Variants in ACADSB observed in about 807,000 individuals in gnomAD.
ACADSB encodes acyl-CoA dehydrogenase short/branched chain, also known as short/branched chain specific acyl-CoA dehydrogenase, mitochondrial.
Under a neutral mutation model 54.1 loss-of-function variants are expected in ACADSB, and 40 were observed. The ratio of observed to expected loss-of-function variants is 0.74; its 90% CI spans 0.57 to 0.96. The LOEUF (loss-of-function observed/expected upper bound fraction) is 0.96. Ranked by LOEUF, ACADSB falls within the 40% of genes least tolerant of loss-of-function variation. ACADSB has a pLI of 0.00. For missense variants in ACADSB, 530 were observed against 510.4 expected, an observed-to-expected ratio of 1.04 and a Z score of -0.37; for synonymous variants, 182 against 182.8, an observed-to-expected ratio of 1.00 and a Z score of 0.03.
intron 1 of ACADSB, among the ~76,000 whole-genome samples, chr10:123,012,612 C>G (rs1051149831): frequency 2.0e-5 from 3 of 152,092 alleles, no homozygotes; most frequent in African/African-American, 7.2e-5. Flanking sequence ...AGGAGTGAAG[C>G]TGCAGACCTT....
intron 1 of ACADSB, 42 bp from the exon 2 acceptor site, chr10:123,034,314 A>T (rs1383070053): frequency 1.3e-6 from 2 of 1,594,268 alleles, no homozygotes; most frequent in Admixed American, 3.3e-5. Context: ...AAAGAAAATG[A>T]TATTCAAGTA....
At chr10:123,015,612 T>C (rs1256784666) in intron 1 of ACADSB, among the ~76,000 whole-genome samples, 3 of 152,234 alleles carry the variant, frequency 2.0e-5, no homozygotes, top group African/African-American at 7.2e-5. Context: ...GTGTACTCCA[T>C]GAAGGAGGGG....
Position 123,056,269 on chromosome 10 carries a change from G to C in ACADSB, c.*2504G>C. On this transcript the variant is annotated 3_prime_UTR_variant, in exon 11 of 11. Transcript: ENST00000358776. ...TTAATTGGACTTACAGTTCCACATG[G>C]CCGGGGAGGCCTCAGAATCATGGCG... The C allele has an allele frequency of 4.6e-6, 1 of 219,540 alleles. No homozygotes were observed. The highest frequency in any genetic ancestry group is 8.9e-6 in the Non-Finnish European group (1 of 112,914). The allele number at this position is 219,540 out of a possible 1,614,324, so 13.6% of individuals were successfully genotyped here.
intron 1 of ACADSB, among the ~76,000 whole-genome samples, chr10:123,012,791 G>T (rs1850054852): frequency 6.6e-6 from 1 of 152,188 alleles, no homozygotes; most frequent in Admixed American, 6.5e-5. Flanking sequence ...AAGATTTATT[G>T]CAAAGAGCTA....
chr10:123,013,639 G>C (rs1042291067), intron 1 of ACADSB, among the ~76,000 whole-genome samples: 3 of 152,230 alleles, frequency 2.0e-5, no homozygotes, highest in Admixed American at 2.0e-4. Flanking sequence ...GCAGGTCCCG[G>C]GGCCTGCCCC....
rs991735857 is a variant in ACADSB, at chr10:123,056,905, T to C, written c.*3140T>C. 1 of 152,644 alleles carries C rather than the reference T, an allele frequency of 6.6e-6. No individual in the cohort carries two copies. Among genetic ancestry groups the C allele is most frequent in the East Asian group, 1.9e-4 (1 of 5,204 alleles). 9.5% of individuals were successfully genotyped at this position (152,644 alleles called of 1,614,324 possible). A position where few individuals can be genotyped will look rare whatever the true frequency, so the allele number is the denominator to read the frequency against. On this transcript the variant is annotated 3_prime_UTR_variant, in exon 11 of 11. Transcript: ENST00000358776. ...TGACATAGGAATTACATTAAAATAT[T>C]AGGAAGAAACAAGGACAAATTTAGA...
chr10:123,032,994 C>G (rs1850349032), intron 1 of ACADSB, among the ~76,000 whole-genome samples: 1 of 152,118 alleles, frequency 6.6e-6, no homozygotes, highest in African/African-American at 2.4e-5. Context: ...TTCTTGAGCC[C>G]CTTTGCACTT....
chr10:123,038,983 G>C (rs1850436525), intron 3 of ACADSB, among the ~76,000 whole-genome samples: 1 of 152,026 alleles, frequency 6.6e-6, no homozygotes, highest in African/African-American at 2.4e-5. Context: ...CTGCAGCGGG[G>C]CTGTCTGCAG....
At chr10:123,016,695 A>G (rs979477311) in intron 1 of ACADSB, among the ~76,000 whole-genome samples, 1 of 152,238 alleles carries the variant, frequency 6.6e-6, no homozygotes, top group Non-Finnish European at 1.5e-5. Context: ...TTTGGGGTAC[A>G]GTTCAGACCA....
chr10:123,019,964 G>GT (rs1477840385), intron 1 of ACADSB, among the ~76,000 whole-genome samples: 2 of 150,956 alleles, frequency 1.3e-5, no homozygotes, highest in Non-Finnish European at 3.0e-5. Flanking sequence ...TCTTTTTTTT[G>GT]TTTTTTTGCT....
chr10:123,027,355 A>C (rs1850268428), intron 1 of ACADSB, among the ~76,000 whole-genome samples: 1 of 152,176 alleles, frequency 6.6e-6, no homozygotes, highest in Admixed American at 6.5e-5. Context: ...CCCAAATCTC[A>C]ACTTGAATTG....
Position 123,037,743 on chromosome 10 carries a change from A to G in ACADSB, c.203-4A>G. The G allele has an allele frequency of 1.3e-6, 2 of 1,590,666 alleles. No homozygotes were observed. Among genetic ancestry groups the G allele is most frequent in the Non-Finnish European group, 1.7e-6 (2 of 1,158,942 alleles). ...AGACTTATCAGTAATTCTTTTTCCTACAGTTAAAAAATTTGCTCAGGAACA... is the reference window on the plus strand; with the variant it reads ...AGACTTATCAGTAATTCTTTTTCCTGCAGTTAAAAAATTTGCTCAGGAACA... On this transcript the variant is annotated splice_region_variant and splice_polypyrimidine_tract_variant and intron_variant, in intron 2 of 10. Transcript: ENST00000358776.
At chr10:123,025,538 C>G (rs566374181) in intron 1 of ACADSB, among the ~76,000 whole-genome samples, 27 of 152,142 alleles carry the variant, frequency 1.8e-4, no homozygotes, top group Admixed American at 1.8e-3. Context: ...TAAGCGAAGT[C>G]AAAAGACAAA....
chr10:123,050,212 G>A (rs1396705829), intron 8 of ACADSB, among the ~76,000 whole-genome samples: 1 of 152,144 alleles, frequency 6.6e-6, no homozygotes. Flanking sequence ...ACTTAATCAA[G>A]GTTCACTGTC....
At chr10:123,035,747 C>T (rs904140712) in intron 2 of ACADSB, among the ~76,000 whole-genome samples, 1 of 152,226 alleles carries the variant, frequency 6.6e-6, no homozygotes, top group African/African-American at 2.4e-5. Flanking sequence ...AGCTGGCTGT[C>T]AGCCAGAGGT....
intron 8 of ACADSB, among the ~76,000 whole-genome samples, chr10:123,050,462 T>C (rs1850614687): frequency 6.6e-6 from 1 of 152,206 alleles, no homozygotes; most frequent in African/African-American, 2.4e-5. Flanking sequence ...TGCAGGAAAT[T>C]GTTTATAAAT....
chr10:123,014,039 C>T (rs1355912916), intron 1 of ACADSB, among the ~76,000 whole-genome samples: 1 of 152,216 alleles, frequency 6.6e-6, no homozygotes, highest in East Asian at 1.9e-4. Flanking sequence ...CAAGCGAGGG[C>T]TGCCAGCATG....
intron 2 of ACADSB, among the ~76,000 whole-genome samples, chr10:123,035,248 G>A (rs1850383698): frequency 6.6e-6 from 1 of 152,062 alleles, no homozygotes; most frequent in Admixed American, 6.5e-5. Context: ...GAGCCACCAT[G>A]CCCAGCCTAG....
chr10:123,045,131 GTATATATATATATATATA>G (rs759224009), intron 7 of ACADSB, among the ~76,000 whole-genome samples: 509 of 26,772 alleles, frequency 0.019, 18 homozygotes, highest in African/African-American at 0.031. Context: ...TTTGTAGAGT[GTATATATATATATATATA>G]TATATATATA....
Sources: gnomAD v4.1 joint callset for allele counts (sites outside exome capture counted in the v4.1 genomes callset) on GRCh38, gnomAD v4.1.1 for gene constraint, MANE v1.5 for transcripts, NCBI Gene and HGNC (gene_info 2026-07-23, HGNC 2026-07-21) for gene names.